Variants in GSE1 observed in about 807,000 individuals in gnomAD.
The protein encoded by GSE1 is Gse1 coiled-coil protein, also known as genetic suppressor element 1.
In GSE1, 32 loss-of-function variants were observed where a neutral mutation model predicts 112.6. The observed-to-expected ratio is 0.28, with a 90% CI of 0.21 to 0.38. GSE1 has a LOEUF of 0.38. Among genes scored for constraint, GSE1 ranks in the 10% least tolerant of loss-of-function variants. GSE1 has a pLI of 1.00. For missense variants in GSE1, 2,348 were observed against 1,699.2 expected (o/e 1.38, Z -6.71); for synonymous variants, 1,115 against 735.6 (o/e 1.52, Z -8.35).
chr16:85,550,434 G>A (rs531773720), intron 2 of GSE1, among the ~76,000 whole-genome samples: 2 of 152,316 alleles, frequency 1.3e-5, no homozygotes, highest in South Asian at 2.1e-4. Flanking sequence ...CTGAGCAGGC[G>A]GGAAGCATCA....
intron 2 of GSE1, among the ~76,000 whole-genome samples, chr16:85,465,598 G>A (rs376709369): frequency 3.9e-5 from 6 of 152,062 alleles, no homozygotes; most frequent in South Asian, 2.1e-4. Flanking sequence ...TCTCCCTACC[G>A]TCTCCCCATA....
upstream of GSE1, among the ~76,000 whole-genome samples, chr16:85,551,615 G>A (rs2044921006): frequency 6.6e-6 from 1 of 152,228 alleles, no homozygotes; most frequent in African/African-American, 2.4e-5. Context: ...TCGGCATCAG[G>A]TCGGCAGCTG....
chr16:85,508,190 C>A (rs749808999), intron 2 of GSE1, among the ~76,000 whole-genome samples: 1 of 152,146 alleles, frequency 6.6e-6, no homozygotes, highest in African/African-American at 2.4e-5. Flanking sequence ...TGCGTCACCA[C>A]GCCCAGCTAA....
At chr16:85,246,517 G>A (rs1160577997) in intron 1 of GSE1, among the ~76,000 whole-genome samples, 1 of 38,536 alleles carries the variant, frequency 2.6e-5, no homozygotes, top group Non-Finnish European at 5.8e-5. Context: ...CCCCCCCGAC[G>A]CTGTCTGCAG....
chr16:85,454,963 C>G (rs2049786172), intron 2 of GSE1, among the ~76,000 whole-genome samples: 1 of 152,192 alleles, frequency 6.6e-6, no homozygotes, highest in South Asian at 2.1e-4. Flanking sequence ...ATGGACAGAT[C>G]TTTCTGGAGA....
chr16:85,645,588 A>T (rs1004797442), intron 2 of GSE1, among the ~76,000 whole-genome samples: 2 of 152,186 alleles, frequency 1.3e-5, no homozygotes, highest in Non-Finnish European at 2.9e-5. Flanking sequence ...CCTCCTGGTC[A>T]CGCCACTAAG....
chr16:85,403,371 G>A (rs1318558785), intron 2 of GSE1, among the ~76,000 whole-genome samples: 1 of 152,236 alleles, frequency 6.6e-6, no homozygotes, highest in African/African-American at 2.4e-5. Flanking sequence ...ATGACCACCA[G>A]GAGGCGTGGT....
chr16:85,422,491 A>G (rs1352794132), intron 2 of GSE1, among the ~76,000 whole-genome samples: 2 of 151,714 alleles, frequency 1.3e-5, no homozygotes, highest in African/African-American at 4.8e-5. Flanking sequence ...CTGAGCAAGG[A>G]AGGGAGGAGG....
chr16:85,474,210 A>G (rs2050380848), intron 2 of GSE1, among the ~76,000 whole-genome samples: 1 of 151,934 alleles, frequency 6.6e-6, no homozygotes, highest in African/African-American at 2.4e-5. Context: ...GGGACAGAGA[A>G]GGGGGGCAGA....
At chr16:85,367,475 G>A (rs62048514) in intron 2 of GSE1, among the ~76,000 whole-genome samples, 49,360 of 152,056 alleles carry the variant, frequency 0.32, 8,526 homozygotes, top group South Asian at 0.45. Flanking sequence ...GATAACTCCC[G>A]AATGAGCAGG....
At chr16:85,198,090 G>T (rs187286180) in intron 1 of GSE1, among the ~76,000 whole-genome samples, 1 of 152,094 alleles carries the variant, frequency 6.6e-6, no homozygotes, top group African/African-American at 2.4e-5. Flanking sequence ...GGCCCTCAGC[G>T]TCCTCACACC....
rs149667362 is a variant in GSE1, at chr16:85,413,116, G to A, written c.2464+55473G>A. ...TCTCTTGGCTGTTTCCAGGCCGAGC[G>A]CCCTTTTCCATTTTGAAGCCTGTGT... On this transcript the variant is annotated intron_variant, in intron 2 of 2. Coordinates refer to the GSE1 transcript ENST00000637419. Among the ~76,000 whole-genome samples, 66 of 152,308 alleles carry A rather than the reference G, an allele frequency of 4.3e-4. No homozygotes were observed. The East Asian group carries it at 8.9e-3, about 21-fold the overall frequency.
intron 2 of GSE1, among the ~76,000 whole-genome samples, chr16:85,455,382 AGAG>A (rs1416281904): frequency 7.1e-6 from 1 of 141,732 alleles, no homozygotes; most frequent in African/African-American, 2.8e-5. Context: ...GCATTACAAA[AGAG>A]AGAGAGAGAG....
chr16:85,645,912 C>T (rs969093436), intron 2 of GSE1, among the ~76,000 whole-genome samples: 1 of 147,544 alleles, frequency 6.8e-6, no homozygotes, highest in African/African-American at 2.5e-5. Flanking sequence ...ACCATGCTTT[C>T]TATGCATGCA....
At chr16:85,502,498 G>C (rs1234037404) in intron 2 of GSE1, among the ~76,000 whole-genome samples, 1 of 152,234 alleles carries the variant, frequency 6.6e-6, no homozygotes, top group East Asian at 1.9e-4. Flanking sequence ...TTACCGGTGA[G>C]TGAGATTCTG....
chr16:85,653,016 C>G (rs1011565630), intron 3 of GSE1, among the ~76,000 whole-genome samples: 2 of 151,346 alleles, frequency 1.3e-5, no homozygotes, highest in Non-Finnish European at 2.9e-5. Context: ...GCCAGCGTGG[C>G]CATGGCTCTC....
Position 85,523,188 on chromosome 16 carries a change from C to T in GSE1, c.2465-110726C>T, listed in dbSNP as rs552076396. 2.0e-5 allele frequency among the ~76,000 whole-genome samples: 3 copies of T among 148,948 alleles called. No homozygotes were observed. The East Asian group carries it at 6.0e-4, about 30-fold the overall frequency. On this transcript the variant is annotated intron_variant, in intron 2 of 2. Coordinates refer to the GSE1 transcript ENST00000637419. The stretch of plus-strand genomic sequence containing the variant: ...GTGTATGTGGCTGTGGTTGTGTCTG[C>T]CCTGTGTGTGTGCACGTGTGCCTGT...
At position 85,190,844 on chromosome 16, in the gene GSE1, G is replaced by C. The variant is rs567591379; in HGVS notation, c.2283+19037G>C. Among the ~76,000 whole-genome samples, 10 of 152,362 alleles carry C rather than the reference G, an allele frequency of 6.6e-5. No homozygotes were observed. The South Asian group carries it at 1.2e-3, about 19-fold the overall frequency. ...GGGCACAAAGGGCGGACTCACCAGG[G>C]TGGGGCTGATGGTGAGCAGCATCCT... On this transcript the variant is annotated intron_variant, in intron 1 of 2. Coordinates refer to the GSE1 transcript ENST00000637419.
chr16:85,357,350 C>G lies in GSE1; in HGVS notation c.2284-113C>G, dbSNP rs531552258. 4.0e-4 allele frequency: 263 copies of G among 654,600 alleles called. 1 individual carries two copies. The African/African-American group carries it at 4.8e-3, about 12-fold the overall frequency. 40.5% of individuals were successfully genotyped at this position (654,600 alleles called of 1,614,324 possible). On this transcript the variant is annotated intron_variant, in intron 1 of 2. Transcript: ENST00000637419. ...CCAGCCAGTCTGAGTTCCTGATCAC[C>G]AAGGCCAGGCCATCGTCGGGGAGGA...
Sources: allele counts gnomAD v4.1 joint callset (sites outside exome capture counted in the v4.1 genomes callset), GRCh38; gene constraint gnomAD v4.1.1; transcripts MANE v1.5; gene names NCBI Gene and HGNC (gene_info 2026-07-23, HGNC 2026-07-21).